CFAP74: variants seen among roughly 807,000 people sequenced by gnomAD.
The protein encoded by CFAP74 is cilia- and flagella-associated protein 74.
Under a neutral mutation model 188.9 loss-of-function variants are expected in CFAP74, and 124 were observed. The observed-to-expected ratio is 0.66, with a 90% CI of 0.57 to 0.76. The LOEUF (loss-of-function observed/expected upper bound fraction) is 0.76. Among genes scored for constraint, CFAP74 ranks in the 30% least tolerant of loss-of-function variants. The pLI, the probability that CFAP74 is intolerant of heterozygous loss-of-function variation, is 0.00. For synonymous variants in CFAP74, 956 were observed against 916.7 expected, an observed-to-expected ratio of 1.04 and a Z score of -0.77; for missense variants, 2,198 against 2,165.2, an observed-to-expected ratio of 1.02 and a Z score of -0.30.
At position 1,990,969 on chromosome 1, in the gene CFAP74, A is replaced by G; in HGVS notation, c.-13T>C. The G allele has an allele frequency of 1.9e-6, 3 of 1,603,812 alleles. No individual in the cohort carries two copies. ...CGTCATCCTCCATGCTGGGAGATAG[A>G]AATTAGCTGCAAAAGATGATCGCAA... On this transcript the variant is annotated 5_prime_UTR_variant, in exon 2 of 39. Coordinates refer to ENST00000682832, the MANE Select transcript of CFAP74 (RefSeq NM_001304360.2).
At chr1:1,971,067 GCA>G (rs1342375757) in intron 9 of CFAP74, among the ~76,000 whole-genome samples, 1 of 130,478 alleles carries the variant, frequency 7.7e-6, no homozygotes, top group Non-Finnish European at 1.6e-5. Flanking sequence ...GCTCACACAC[GCA>G]CACCTGCACA....
At chr1:1,955,256 G>C (rs1375030343) in intron 18 of CFAP74, 29 of 1,292,222 alleles carry the variant, frequency 2.2e-5, no homozygotes, top group Non-Finnish European at 2.9e-5. Context: ...CGATGGCGGC[G>C]GGCTGCAGGG....
Position 1,923,426 on chromosome 1 carries a change from A to G in CFAP74, c.4463T>C (p.Leu1488Pro). The G allele has an allele frequency of 3.1e-6, 5 of 1,603,598 alleles. No homozygotes were observed. Among genetic ancestry groups the G allele is most frequent in the Non-Finnish European group, 4.3e-6 (5 of 1,176,404 alleles). ...HMMFVEGGDP[L>P]DVPVESLTAI... ...TGTCAGAGACTCCACGGGCACGTCC[A>G]GGGGGTCGCCGCCCTCCACGAACAT... Residue 1488 changes from leucine to proline, a missense_variant, in exon 36 of 39, where the codon CTG (leucine) becomes CCG (proline). Transcript: ENST00000682832. This position sits in a 1 kb window ranked among gnomAD's most constrained non-coding sequence, Gnocchi z 6.3.
chr1:1,965,163 G>C, intron 12 of CFAP74, 102 bp from the exon 13 acceptor site: 6 of 1,166,550 alleles, frequency 5.1e-6, no homozygotes, highest in Non-Finnish European at 7.1e-6. Flanking sequence ...AGCACGGACA[G>C]CCCAGCCCCA....
chr1:1,974,851 T>G (rs1255349602), intron 6 of CFAP74, among the ~76,000 whole-genome samples: 1 of 152,196 alleles, frequency 6.6e-6, no homozygotes, highest in Non-Finnish European at 1.5e-5. Context: ...AGGCTCAGGC[T>G]GGGAAAGTTC....
In CFAP74 at chr1:1,965,150, C is replaced by T. The variant is rs1392039227; in HGVS notation, c.1402-89G>A. The T allele has an allele frequency of 3.0e-6, 4 of 1,327,354 alleles. No individual in the cohort carries two copies. In the East Asian group the frequency reaches 9.7e-5, roughly 32 times the overall value. 82.2% of individuals were successfully genotyped at this position (1,327,354 alleles called of 1,614,324 possible). On this transcript the variant is annotated intron_variant, in intron 12 of 38. Transcript: ENST00000682832. ...GCTCGGAGGCGAGGGTAGCGGTTAG[C>T]AGAGCACGGACAGCCCAGCCCCACC...
intron 18 of CFAP74, among the ~76,000 whole-genome samples, chr1:1,948,928 C>CT (rs369145612): frequency 5.2e-5 from 1 of 19,214 alleles, no homozygotes; most frequent in Non-Finnish European, 1.4e-4. Context: ...TTCCTTCCTT[C>CT]CTCTTTCCTC....
chr1:2,001,005 A>G (rs1658177405), intron 1 of CFAP74, among the ~76,000 whole-genome samples: 1 of 152,148 alleles, frequency 6.6e-6, no homozygotes, highest in Admixed American at 6.5e-5. Context: ...AGCAGGATCC[A>G]CAGTGGCCCA....
At chr1:1,991,939 C>T (rs2102110920) in intron 1 of CFAP74, among the ~76,000 whole-genome samples, 1 of 151,640 alleles carries the variant, frequency 6.6e-6, no homozygotes, top group East Asian at 2.0e-4. Flanking sequence ...ACTCGGGAGG[C>T]TGAGGCAGGA....
chr1:1,965,115 G>A (rs1195235247), intron 12 of CFAP74, 54 bp from the exon 13 acceptor site: 15 of 1,539,666 alleles, frequency 9.7e-6, no homozygotes, highest in Non-Finnish European at 1.3e-5. Flanking sequence ...CCTGGGCGGC[G>A]CCGGTGGCAG....
At chr1:1,946,152 T>C (rs184347923) in intron 20 of CFAP74, among the ~76,000 whole-genome samples, 165 bp downstream of exon 20, 1 of 152,196 alleles carries the variant, frequency 6.6e-6, no homozygotes, top group Non-Finnish European at 1.5e-5. Context: ...GTGTGCACAC[T>C]CGTGTGCGTG....
chr1:1,969,709 C>T (rs1006823416), intron 10 of CFAP74, among the ~76,000 whole-genome samples: 16 of 152,330 alleles, frequency 1.1e-4, no homozygotes, highest in East Asian at 1.9e-4. Flanking sequence ...AGGACCCCCC[C>T]GCCCAGGTGG....
At chr1:1,951,954 G>A (rs1001335310) in intron 18 of CFAP74, among the ~76,000 whole-genome samples, 6 of 152,182 alleles carry the variant, frequency 3.9e-5, no homozygotes, top group South Asian at 2.1e-4. Flanking sequence ...AGCGGCCAAC[G>A]CACAGGCAGC....
chr1:1,928,996 C>T (rs1652143580), intron 26 of CFAP74, 114 bp from the exon 27 acceptor site: 5 of 661,504 alleles, frequency 7.6e-6, no homozygotes, highest in Non-Finnish European at 1.0e-5. Flanking sequence ...TCACCTCCCC[C>T]TTGAGATTTC....
rs1653488310 is a variant in CFAP74, at chr1:1,942,973, C to T, written c.2487-817G>A. ...CTGCCTCTGACCTCTGACCACTACC[C>T]AGAGGCCACCCACAGTGCGTCTGGG... On this transcript the variant is annotated intron_variant, in intron 21 of 38. Transcript: ENST00000682832. The surrounding 1 kb of genome is among the most constrained non-coding windows in gnomAD (Gnocchi z 4.3). Among the ~76,000 whole-genome samples, 1 of 152,220 alleles carries T rather than the reference C, an allele frequency of 6.6e-6. No individual in the cohort carries two copies. Among genetic ancestry groups the T allele is most frequent in the South Asian group, 2.1e-4 (1 of 4,832 alleles).
intron 6 of CFAP74, among the ~76,000 whole-genome samples, chr1:1,976,534 C>T (rs1203423952): frequency 1.3e-5 from 2 of 152,006 alleles, no homozygotes; most frequent in African/African-American, 4.8e-5. Flanking sequence ...CCAATCAAAC[C>T]TCTTTTCTTC....
At chr1:1,991,291 C>T (rs770197003) in intron 1 of CFAP74, among the ~76,000 whole-genome samples, 10 of 152,286 alleles carry the variant, frequency 6.6e-5, no homozygotes, top group East Asian at 5.8e-4. Flanking sequence ...GCCTGGCCAA[C>T]GTGGTGAGGC....
chr1:1,958,922 G>A (rs184536504), intron 16 of CFAP74, among the ~76,000 whole-genome samples, 198 bp downstream of exon 16: 75 of 152,228 alleles, frequency 4.9e-4, no homozygotes, highest in Non-Finnish European at 1.0e-3. Flanking sequence ...AGTGCCCCAC[G>A]TTCGAGACCC....
In CFAP74 at chr1:1,927,743, G is replaced by C; in HGVS notation, c.3391C>G (p.Arg1131Gly). ...LNKEMETKSF[R>G]KNMAPQRKDL... ...TTCCTCTGGGGGGCCATATTCTTTCGGAACTGTGGGGGGAGCGACTGGCTG... is the reference window on the plus strand; with the variant it reads ...TTCCTCTGGGGGGCCATATTCTTTCCGAACTGTGGGGGGAGCGACTGGCTG... Residue 1131 changes from arginine to glycine, a missense_variant, in exon 28 of 39, where the codon CGA becomes GGA. By Grantham distance (125) the Arg-to-Gly change is moderately radical. Coordinates refer to ENST00000682832, the MANE Select transcript of CFAP74 (RefSeq NM_001304360.2). 6.5e-7 allele frequency: 1 copy of C among 1,549,762 alleles called. No individual in the cohort carries two copies. The highest frequency in any genetic ancestry group is 8.7e-7 in the Non-Finnish European group (1 of 1,146,586).
Sources: gnomAD v4.1 joint callset for allele counts (sites outside exome capture counted in the v4.1 genomes callset) on GRCh38, gnomAD v4.1.1 for gene constraint, Gnocchi (gnomAD v3.1) non-coding constraint, MANE v1.5 for transcripts, NCBI Gene and HGNC (gene_info 2026-07-23, HGNC 2026-07-21) for gene names.